Variants in MYO18B observed in about 807,000 individuals in gnomAD.
MYO18B encodes myosin XVIIIB, also known as unconventional myosin-XVIIIb.
MYO18B carries 204 observed loss-of-function variants against 273.0 expected under a neutral mutation model. That is an observed-to-expected ratio of 0.75 (90% CI 0.67 to 0.84). The LOEUF (loss-of-function observed/expected upper bound fraction) is 0.84, where lower values mean the gene tolerates loss of function less well. Among genes scored for constraint, MYO18B ranks in the 40% least tolerant of loss-of-function variants. MYO18B has a pLI of 0.00. For synonymous variants in MYO18B, 1,330 were observed against 1,305.7 expected, an observed-to-expected ratio of 1.02 and a Z score of -0.40; for missense variants, 3,212 against 3,287.6, an observed-to-expected ratio of 0.98 and a Z score of 0.56.
chr22:25,972,005 C>T (rs1055946742), intron 39 of MYO18B, among the ~76,000 whole-genome samples: 2 of 151,650 alleles, frequency 1.3e-5, no homozygotes, highest in African/African-American at 2.4e-5. Flanking sequence ...AGGCTGGTCT[C>T]GAACTCATGA....
intron 17 of MYO18B, among the ~76,000 whole-genome samples, chr22:25,842,777 A>G (rs1025492768): frequency 2.6e-5 from 4 of 152,134 alleles, no homozygotes; most frequent in Non-Finnish European, 5.9e-5. Context: ...TTAGAGTAAT[A>G]TTATAAATGA....
chr22:25,930,217 C>T (rs1055904493), intron 34 of MYO18B, among the ~76,000 whole-genome samples: 2 of 152,138 alleles, frequency 1.3e-5, no homozygotes, highest in Admixed American at 6.5e-5. Flanking sequence ...GGTGAGGGTG[C>T]CGCCTCTCCT....
the MYO18B span, among the ~76,000 whole-genome samples, chr22:26,047,006 G>A: frequency 6.6e-6 from 1 of 152,076 alleles, no homozygotes; most frequent in Non-Finnish European, 1.5e-5. Context: ...TCCTCCAACC[G>A]TGGTGGTTGA....
chr22:25,747,158 G>A (rs1018354700), intron 1 of MYO18B, among the ~76,000 whole-genome samples: 1 of 152,076 alleles, frequency 6.6e-6, no homozygotes, highest in Non-Finnish European at 1.5e-5. Context: ...AAGAAAATTA[G>A]CCCTTTGATG....
chr22:25,928,402 CAAAAAAAAAA>C (rs71311529), intron 34 of MYO18B, among the ~76,000 whole-genome samples: 1 of 48,068 alleles, frequency 2.1e-5, no homozygotes. Context: ...GACCCGGCCT[CAAAAAAAAAA>C]AAAAAAAAAA....
intron 26 of MYO18B, 21 bp downstream of exon 26, chr22:25,890,896 AG>A (rs2091642677): frequency 1.3e-6 from 2 of 1,558,252 alleles, no homozygotes; most frequent in Non-Finnish European, 8.8e-7. Context: ...AGGGGTGGCC[AG>A]GGGTGGCTGA....
intron 9 of MYO18B, among the ~76,000 whole-genome samples, chr22:25,780,590 C>CAAAAAAAAAAAAAA (rs59082074): frequency 6.1e-5 from 4 of 65,216 alleles, no homozygotes; most frequent in African/African-American, 2.6e-4. Context: ...AACTCCATCT[C>CAAAAAAAAAAAAAA]AAAAAAAAAA....
rs769895364 is a variant in MYO18B at position 25,898,302 on chromosome 22, T to C, written c.4669-5T>C. The C allele has an allele frequency of 1.2e-5, 19 of 1,612,052 alleles. No individual in the cohort carries two copies. In the Admixed American group the frequency reaches 1.5e-4, roughly 13 times the overall value. Reference sequence around the variant, plus strand: ...GCCGGGTAATTCATTCTATTACTCTTACAGCTTGGGGAGTTGCAAAGTGCT... The same window carrying C: ...GCCGGGTAATTCATTCTATTACTCTCACAGCTTGGGGAGTTGCAAAGTGCT... On this transcript the variant is annotated splice_polypyrimidine_tract_variant and splice_region_variant and intron_variant, in intron 28 of 43. Transcript: ENST00000335473.
At chr22:25,993,356 G>C (rs1276963720) in intron 40 of MYO18B, among the ~76,000 whole-genome samples, 1 of 152,078 alleles carries the variant, frequency 6.6e-6, no homozygotes, top group Non-Finnish European at 1.5e-5. Context: ...GCAAAGCCTG[G>C]GTAGCAGAGA....
At chr22:25,953,197 G>A (rs2092812090) in intron 38 of MYO18B, among the ~76,000 whole-genome samples, 2 of 152,094 alleles carry the variant, frequency 1.3e-5, no homozygotes, top group African/African-American at 4.8e-5. Flanking sequence ...AGTGACATGG[G>A]ACTCTTACAG....
intron 22 of MYO18B, among the ~76,000 whole-genome samples, chr22:25,871,304 G>A (rs950936893): frequency 6.6e-6 from 1 of 152,174 alleles, no homozygotes; most frequent in African/African-American, 2.4e-5. Flanking sequence ...CAAGATGGCT[G>A]TGGGGATCCA....
chr22:25,897,980 A>C, intron 28 of MYO18B: 2 of 239,952 alleles, frequency 8.3e-6, no homozygotes, highest in Non-Finnish European at 1.6e-5. Flanking sequence ...TGGGGATATG[A>C]GTTATCCGGT....
At position 25,883,474 on chromosome 22, in the gene MYO18B, G is replaced by T. The variant is rs1004566259; in HGVS notation, c.4314+5426G>T. ...TCAGTAGGCTTGGCGTGGCCTTGGG[G>T]AGGCTGTATTTCTAACATGCTAGAG... On this transcript the variant is annotated intron_variant, in intron 25 of 43. Coordinates refer to ENST00000335473, the MANE Select transcript of MYO18B (RefSeq NM_032608.7). The surrounding 1 kb of genome is among the most constrained non-coding windows in gnomAD (Gnocchi z 7.6). 1 of 152,198 alleles carries T rather than the reference G, an allele frequency of 6.6e-6. No homozygotes were observed. Among genetic ancestry groups the T allele is most frequent in the Non-Finnish European group, 1.5e-5 (1 of 68,034 alleles). 9.4% of individuals were successfully genotyped at this position (152,198 alleles called of 1,614,324 possible).
At chr22:25,797,879 C>G (rs943256945) in intron 11 of MYO18B, 74 bp from the exon 12 acceptor site, 65 of 1,605,880 alleles carry the variant, frequency 4.0e-5, no homozygotes, top group Non-Finnish European at 5.5e-5. Context: ...AGACGGAGCT[C>G]AGCTTCAAGT....
chr22:25,776,810 T>C (rs893706588), intron 7 of MYO18B, among the ~76,000 whole-genome samples: 2 of 152,076 alleles, frequency 1.3e-5, no homozygotes, highest in Non-Finnish European at 2.9e-5. Flanking sequence ...TGGAGAGGGG[T>C]AATGAGTGTG....
At chr22:25,921,547 C>G in intron 34 of MYO18B, 138 bp downstream of exon 34, 1 of 1,075,682 alleles carries the variant, frequency 9.3e-7, no homozygotes, top group Non-Finnish European at 1.3e-6. Flanking sequence ...AGATGGGGGG[C>G]ATTTCAGGGC....
intron 12 of MYO18B, among the ~76,000 whole-genome samples, chr22:25,801,203 A>G (rs1420966267): frequency 1.3e-5 from 2 of 151,584 alleles, no homozygotes; most frequent in Non-Finnish European, 2.9e-5. Flanking sequence ...TAATTCTGAG[A>G]GCCCCAATCC....
At chr22:25,756,515 G>C (rs537474466) in intron 1 of MYO18B, 1 of 152,302 alleles carries the variant, frequency 6.6e-6, no homozygotes, top group Admixed American at 6.5e-5. Context: ...GCCAATTTCC[G>C]TGGTGTAAAC....
intron 12 of MYO18B, among the ~76,000 whole-genome samples, chr22:25,803,455 A>C (rs2088313992): frequency 6.6e-6 from 1 of 152,136 alleles, no homozygotes; most frequent in Admixed American, 6.5e-5. Flanking sequence ...AACTGCTCAG[A>C]AAATTCTAGT....
Sources: gnomAD v4.1 joint callset for allele counts (sites outside exome capture counted in the v4.1 genomes callset) on GRCh38, gnomAD v4.1.1 for gene constraint, Gnocchi (gnomAD v3.1) non-coding constraint, MANE v1.5 for transcripts, NCBI Gene and HGNC (gene_info 2026-07-23, HGNC 2026-07-21) for gene names.